The following PPM1E variants were observed in gnomAD, a reference collection of about 807,000 sequenced individuals.
PPM1E encodes the protein protein phosphatase, Mg2+/Mn2+ dependent 1E.
Under a neutral mutation model 65.9 loss-of-function variants are expected in PPM1E, and 20 were observed. The observed-to-expected ratio is 0.30, with a 90% CI of 0.21 to 0.44. The LOEUF is 0.44. Among genes scored for constraint, PPM1E ranks in the 20% least tolerant of loss-of-function variants. The pLI is 1.00. For missense variants in PPM1E, 713 were observed against 953.1 expected, an observed-to-expected ratio of 0.75 and a Z score of 3.32; for synonymous variants, 352 against 374.9, an observed-to-expected ratio of 0.94 and a Z score of 0.70.
chr17:58,972,355 C>G, intron 5 of PPM1E, 80 bp downstream of exon 5: 1 of 968,380 alleles, frequency 1.0e-6, no homozygotes, highest in Middle Eastern at 3.6e-4. Context: ...GATTCACTTA[C>G]TTTTTTTTTT....
At chr17:58,757,334 T>C (rs2049778698) in intron 1 of PPM1E, among the ~76,000 whole-genome samples, 1 of 152,216 alleles carries the variant, frequency 6.6e-6, no homozygotes, top group African/African-American at 2.4e-5. Context: ...GATGAAAGTC[T>C]AAAATAGAAA....
chr17:58,767,861 C>T (rs943544669), intron 1 of PPM1E, among the ~76,000 whole-genome samples: 20 of 152,176 alleles, frequency 1.3e-4, no homozygotes, highest in African/African-American at 4.6e-4. Flanking sequence ...AGACTGGTCT[C>T]GAACTCCCGA....
intron 1 of PPM1E, among the ~76,000 whole-genome samples, chr17:58,834,913 A>T (rs1052333124): frequency 2.0e-5 from 3 of 152,170 alleles, no homozygotes; most frequent in African/African-American, 7.2e-5. Context: ...GTTCATGTAT[A>T]AAAATCTGTT....
At chr17:58,791,874 A>G (rs894633359) in intron 1 of PPM1E, among the ~76,000 whole-genome samples, 2 of 152,136 alleles carry the variant, frequency 1.3e-5, no homozygotes, top group Non-Finnish European at 2.9e-5. Flanking sequence ...TGTATTCCTT[A>G]ACCCTTTTTC....
chr17:58,856,538 G>T (rs1401005062), intron 1 of PPM1E, among the ~76,000 whole-genome samples: 1 of 152,158 alleles, frequency 6.6e-6, no homozygotes, highest in East Asian at 1.9e-4. Context: ...GGGCTGAATT[G>T]TCTCCACCAA....
chr17:58,810,215 T>G (rs1021335564), intron 1 of PPM1E, among the ~76,000 whole-genome samples: 2 of 149,406 alleles, frequency 1.3e-5, no homozygotes, highest in South Asian at 2.1e-4. Flanking sequence ...TACTTTTTTG[T>G]TTTTTTTTTC....
intron 1 of PPM1E, among the ~76,000 whole-genome samples, chr17:58,840,356 G>A (rs959551198): frequency 2.0e-5 from 3 of 152,126 alleles, no homozygotes; most frequent in Non-Finnish European, 2.9e-5. Context: ...GTTAGCATAG[G>A]CTATCTGGCA....
intron 1 of PPM1E, among the ~76,000 whole-genome samples, chr17:58,797,099 C>T (rs537576252): frequency 8.0e-4 from 121 of 152,170 alleles, no homozygotes; most frequent in African/African-American, 2.7e-3. Flanking sequence ...GAGCGAAACT[C>T]CATCTCAAAA....
chr17:58,970,240 T>G (rs1380442566), intron 4 of PPM1E, among the ~76,000 whole-genome samples: 2 of 152,222 alleles, frequency 1.3e-5, no homozygotes, highest in African/African-American at 4.8e-5. Context: ...ATTTTTCTCT[T>G]AATAGGGAGA....
intron 1 of PPM1E, among the ~76,000 whole-genome samples, chr17:58,919,577 G>A (rs1257332945): frequency 6.6e-6 from 1 of 152,032 alleles, no homozygotes; most frequent in Non-Finnish European, 1.5e-5. Context: ...CCTGAGATCG[G>A]GAGTTTGAGA....
chr17:58,829,201 C>T (rs1368118591), intron 1 of PPM1E, among the ~76,000 whole-genome samples: 1 of 151,962 alleles, frequency 6.6e-6, no homozygotes, highest in African/African-American at 2.4e-5. Context: ...CGCCACCATG[C>T]CTGGCTAATT....
intron 1 of PPM1E, among the ~76,000 whole-genome samples, chr17:58,769,930 G>A (rs575126900): frequency 2.0e-5 from 3 of 152,190 alleles, no homozygotes; most frequent in African/African-American, 7.2e-5. Context: ...AGGAGGTTGA[G>A]GCAGGAGAAT....
intron 1 of PPM1E, among the ~76,000 whole-genome samples, chr17:58,904,404 A>T (rs2051531677): frequency 6.6e-6 from 1 of 152,202 alleles, no homozygotes; most frequent in Non-Finnish European, 1.5e-5. Flanking sequence ...ATACTGCCTG[A>T]TATTTTTACA....
chr17:58,921,682 A>T (rs2051752956), intron 1 of PPM1E, among the ~76,000 whole-genome samples: 2 of 150,938 alleles, frequency 1.3e-5, no homozygotes, highest in Non-Finnish European at 2.9e-5. Context: ...AAAAAAAAAA[A>T]TTCAGTGAAT....
intron 2 of PPM1E, 148 bp from the exon 3 acceptor site, chr17:58,965,546 G>A (rs113064204): frequency 1.4e-5 from 11 of 769,350 alleles, no homozygotes; most frequent in African/African-American, 1.2e-4. Flanking sequence ...CTCTTCAGAA[G>A]CAGCATTTCA....
At chr17:58,873,757 G>C (rs1191100199) in intron 1 of PPM1E, among the ~76,000 whole-genome samples, 1 of 149,636 alleles carries the variant, frequency 6.7e-6, no homozygotes, top group African/African-American at 2.5e-5. Flanking sequence ...ACCATGCCCA[G>C]CTAATTTTTT....
At chr17:58,843,996 T>C (rs1382394256) in intron 1 of PPM1E, among the ~76,000 whole-genome samples, 1 of 152,160 alleles carries the variant, frequency 6.6e-6, no homozygotes, top group Non-Finnish European at 1.5e-5. Flanking sequence ...AGGCAGAGCA[T>C]TATAGTTTTG....
intron 1 of PPM1E, among the ~76,000 whole-genome samples, chr17:58,931,818 C>T (rs957533409): frequency 3.3e-5 from 5 of 152,142 alleles, no homozygotes; most frequent in African/African-American, 1.2e-4. Flanking sequence ...AATATAATTT[C>T]CCTGATGCCT....
chr17:58,948,488 A>G (rs990028895), intron 1 of PPM1E, among the ~76,000 whole-genome samples: 6 of 152,142 alleles, frequency 3.9e-5, no homozygotes, highest in African/African-American at 1.2e-4. Context: ...AAATTCTCCA[A>G]TGAGAGTTTA....
Sources: allele counts gnomAD v4.1 joint callset (sites outside exome capture counted in the v4.1 genomes callset), GRCh38; gene constraint gnomAD v4.1.1; transcripts MANE v1.5; gene names NCBI Gene and HGNC (gene_info 2026-07-23, HGNC 2026-07-21).